Variants in MDGA2 observed in about 807,000 individuals in gnomAD.
The protein encoded by MDGA2 is MAM domain containing glycosylphosphatidylinositol anchor 2, also known as MAM domain-containing glycosylphosphatidylinositol anchor protein 2.
MDGA2 carries 40 observed loss-of-function variants against 117.8 expected under a neutral mutation model. The ratio of observed to expected loss-of-function variants is 0.34; its 90% CI spans 0.26 to 0.44. The LOEUF is 0.44. Among genes scored for constraint, MDGA2 ranks in the 20% least tolerant of loss-of-function variants. MDGA2 has a pLI of 1.00. For synonymous variants in MDGA2, 452 were observed against 439.0 expected (o/e 1.03, Z -0.37); for missense variants, 1,123 against 1,250.6 (o/e 0.90, Z 1.54).
At chr14:47,488,685 T>A (rs1894108294) in intron 1 of MDGA2, among the ~76,000 whole-genome samples, 1 of 151,940 alleles carries the variant, frequency 6.6e-6, no homozygotes, top group Non-Finnish European at 1.5e-5. Flanking sequence ...TATAAGTAAA[T>A]CCAAAAGTTA....
intron 10 of MDGA2, among the ~76,000 whole-genome samples, chr14:46,882,890 A>G (rs556015287): frequency 2.6e-5 from 4 of 151,954 alleles, no homozygotes; most frequent in South Asian, 2.1e-4. Context: ...GGGATTTGGC[A>G]AGATGGAAGC....
intron 1 of MDGA2, among the ~76,000 whole-genome samples, chr14:47,632,416 G>A (rs1897258578): frequency 6.6e-6 from 1 of 151,998 alleles, no homozygotes; most frequent in South Asian, 2.1e-4. Context: ...CTATTATCTA[G>A]TACCTAAATT....
rs1895797132 is a variant in MDGA2, at chr14:47,561,153, G to GGTT, written c.280+113363_280+113364insAAC. Among the ~76,000 whole-genome samples, 406 of 63,690 alleles carry GGTT rather than the reference G, an allele frequency of 6.4e-3. 40 individuals carry two copies. The highest frequency in any genetic ancestry group is 0.013 in the East Asian group (9 of 694). 41.8% of individuals were successfully genotyped at this position (63,690 alleles called of 152,430 possible). ...TACCTCTATCTTTGTTTTTTTTTTT[G>GGTT]TTTTGTTTTGTTTTTTTGTTTGTTT... is the stretch of plus-strand genomic sequence containing the variant. On this transcript the variant is annotated intron_variant, in intron 1 of 16. Coordinates refer to ENST00000399232, the MANE Select transcript of MDGA2 (RefSeq NM_001113498.3).
rs550022656 is a variant in MDGA2 at position 47,286,895 on chromosome 14, T to C, written c.420+14516A>G. 2.0e-4 allele frequency among the ~76,000 whole-genome samples: 30 copies of C among 148,658 alleles called. 1 individual carries two copies. In the South Asian group the frequency reaches 6.2e-3, roughly 31 times the overall value. ...TGAGAATGCAACATGAAGTCCCTGTTCTCTAAGAATTTGTAGTTCACTGAA... is the reference window on the plus strand; with the variant it reads ...TGAGAATGCAACATGAAGTCCCTGTCCTCTAAGAATTTGTAGTTCACTGAA... On this transcript the variant is annotated intron_variant, in intron 2 of 16. Coordinates refer to ENST00000399232, the MANE Select transcript of MDGA2 (RefSeq NM_001113498.3).
intron 5 of MDGA2, among the ~76,000 whole-genome samples, chr14:47,122,624 A>G (rs1397414773): frequency 6.6e-6 from 1 of 152,078 alleles, no homozygotes; most frequent in East Asian, 1.9e-4. Flanking sequence ...TATAAAAGCA[A>G]ATTGTCAGTA....
At chr14:46,965,494 C>T (rs1329629307) in intron 8 of MDGA2, among the ~76,000 whole-genome samples, 1 of 152,204 alleles carries the variant, frequency 6.6e-6, no homozygotes, top group Non-Finnish European at 1.5e-5. Flanking sequence ...ATTTAAAAGG[C>T]CTTTTATTTA....
At chr14:47,000,335 A>T (rs61992809) in intron 8 of MDGA2, among the ~76,000 whole-genome samples, 14,571 of 106,334 alleles carry the variant, frequency 0.14, 999 homozygotes, top group Middle Eastern at 0.2. Context: ...ATATATATTT[A>T]TATATATATA....
In MDGA2 at chr14:47,173,049, G is replaced by C. The variant is rs575162998; in HGVS notation, c.596-28775C>G. Among the ~76,000 whole-genome samples, 618 of 152,260 alleles carry C rather than the reference G, an allele frequency of 4.1e-3. 6 individuals carry two copies. Among genetic ancestry groups the C allele is most frequent in the African/African-American group, 0.014 (577 of 41,552 alleles). ...CGATCAACTGGAAGAAAGGGTATCA[G>C]TGATGGAAGATGAAATGAATGAAAT... is the stretch of plus-strand genomic sequence containing the variant. On this transcript the variant is annotated intron_variant, in intron 3 of 16. Transcript: ENST00000399232.
chr14:46,983,500 C>T (rs1886758905), intron 8 of MDGA2, among the ~76,000 whole-genome samples: 1 of 152,018 alleles, frequency 6.6e-6, no homozygotes, highest in African/African-American at 2.4e-5. Flanking sequence ...GTGCTTCCAG[C>T]AAAGCATCAT....
At chr14:46,958,866 T>C (rs1007175331) in intron 8 of MDGA2, among the ~76,000 whole-genome samples, 63 of 152,334 alleles carry the variant, frequency 4.1e-4, no homozygotes, top group African/African-American at 1.5e-3. Flanking sequence ...TATGACACAA[T>C]ATATAATAGA....
Position 46,842,607 on chromosome 14 carries a change from A to G in MDGA2, c.2990-588T>C, listed in dbSNP as rs1158076056. On this transcript the variant is annotated intron_variant, in intron 16 of 16. Coordinates refer to ENST00000399232, the MANE Select transcript of MDGA2 (RefSeq NM_001113498.3). ...TCAAACTAAAAAATCCCTTCCACCA[A>G]TCGGCCTGGAAAGTCCTACTGTAAT... Among the ~76,000 whole-genome samples, 3 of 152,302 alleles carry G rather than the reference A, an allele frequency of 2.0e-5. No individual in the cohort carries two copies. The South Asian group carries it at 6.2e-4, about 32-fold the overall frequency.
intron 1 of MDGA2, among the ~76,000 whole-genome samples, chr14:47,383,347 A>T (rs1053626172): frequency 1.2e-4 from 18 of 149,466 alleles, no homozygotes; most frequent in African/African-American, 3.4e-4. Flanking sequence ...AAGTACAATT[A>T]AAAAAAAAAG....
intron 6 of MDGA2, among the ~76,000 whole-genome samples, chr14:47,081,214 A>C (rs1240051489): frequency 1.3e-5 from 2 of 152,142 alleles, no homozygotes; most frequent in Non-Finnish European, 2.9e-5. Flanking sequence ...TCAATTAAAA[A>C]AAAAGTTGTA....
chr14:47,031,297 T>C (rs1888658377), intron 8 of MDGA2, among the ~76,000 whole-genome samples: 1 of 151,930 alleles, frequency 6.6e-6, no homozygotes, highest in Non-Finnish European at 1.5e-5. Flanking sequence ...CTACATACAA[T>C]TCATTCTGTG....
At chr14:47,327,754 G>A (rs1890184366) in intron 1 of MDGA2, among the ~76,000 whole-genome samples, 1 of 152,020 alleles carries the variant, frequency 6.6e-6, no homozygotes, top group African/African-American at 2.4e-5. Context: ...TAAATATACT[G>A]GGCTCTTTGT....
At chr14:47,189,480 C>T (rs1885031819) in intron 3 of MDGA2, among the ~76,000 whole-genome samples, 1 of 152,054 alleles carries the variant, frequency 6.6e-6, no homozygotes, top group Non-Finnish European at 1.5e-5. Flanking sequence ...TTATTTATGG[C>T]AACCACAGCT....
Position 47,562,851 on chromosome 14 carries a change from T to G in MDGA2, c.280+111666A>C, listed in dbSNP as rs181467579. Among the ~76,000 whole-genome samples the G allele has an allele frequency of 1.3e-4, 20 of 152,224 alleles. No homozygotes were observed. The East Asian group carries it at 3.7e-3, about 28-fold the overall frequency. ...TAATTTGAGACTCTGCTATCTTTTT[T>G]TGGTGGGAGTTTAGTGCTATAAATG... is the stretch of plus-strand genomic sequence containing the variant. On this transcript the variant is annotated intron_variant, in intron 1 of 16. Coordinates refer to ENST00000399232, the MANE Select transcript of MDGA2 (RefSeq NM_001113498.3).
intron 6 of MDGA2, among the ~76,000 whole-genome samples, chr14:47,066,229 CA>C (rs1485176210): frequency 1.3e-5 from 2 of 152,256 alleles, no homozygotes; most frequent in African/African-American, 4.8e-5. Context: ...TCATTGCCCC[CA>C]AATCCTGAAT....
At chr14:47,598,875 C>T (rs1463367631) in intron 1 of MDGA2, among the ~76,000 whole-genome samples, 1 of 152,128 alleles carries the variant, frequency 6.6e-6, no homozygotes, top group Non-Finnish European at 1.5e-5. Flanking sequence ...CACTCTTCCC[C>T]ACCTAAATAA....
Sources: allele counts gnomAD v4.1 joint callset (sites outside exome capture counted in the v4.1 genomes callset), GRCh38; gene constraint gnomAD v4.1.1; transcripts MANE v1.5; gene names NCBI Gene and HGNC (gene_info 2026-07-23, HGNC 2026-07-21).